LDB2: variants seen among roughly 807,000 people sequenced by gnomAD.
LDB2 encodes the protein LIM domain-binding protein 2.
A neutral mutation model predicts 44.3 loss-of-function variants in LDB2; 12 were observed. The observed-to-expected ratio is 0.27, with a 90% confidence interval of 0.17 to 0.44. The LOEUF is 0.44. Among genes scored for constraint, LDB2 ranks in the 20% least tolerant of loss-of-function variants. The probability of loss-of-function intolerance (pLI) is 1.00; values close to 1 mark genes in which losing one functional copy is unlikely to be tolerated. For synonymous variants in LDB2, 164 were observed against 174.8 expected (o/e 0.94, Z 0.49); for missense variants, 344 against 473.5 (o/e 0.73, Z 2.54).
chr4:16,516,743 T>C (rs934503579), intron 5 of LDB2, among the ~76,000 whole-genome samples: 8 of 152,200 alleles, frequency 5.3e-5, no homozygotes, highest in African/African-American at 1.7e-4. Flanking sequence ...AACATTTCTT[T>C]TTCAGGTGCT....
chr4:16,851,162 T>G (rs978268404), intron 1 of LDB2, among the ~76,000 whole-genome samples: 2 of 151,968 alleles, frequency 1.3e-5, no homozygotes, highest in African/African-American at 4.8e-5. Context: ...CCAATTTCTA[T>G]GGTGTAAATA....
intron 1 of LDB2, among the ~76,000 whole-genome samples, chr4:16,893,636 A>G (rs1424518692): frequency 3.9e-5 from 6 of 152,152 alleles, no homozygotes; most frequent in Non-Finnish European, 7.4e-5. Context: ...TGAAACTAAA[A>G]ACTGTAATTC....
intron 2 of LDB2, among the ~76,000 whole-genome samples, chr4:16,713,600 C>T (rs1202704369): frequency 1.3e-5 from 2 of 152,078 alleles, no homozygotes; most frequent in Admixed American, 1.3e-4. Context: ...ATTTTAAAAG[C>T]TTTATTAGGT....
chr4:16,643,884 T>C (rs1460982188), intron 2 of LDB2, among the ~76,000 whole-genome samples: 5 of 152,238 alleles, frequency 3.3e-5, no homozygotes, highest in Non-Finnish European at 7.3e-5. Flanking sequence ...TTGAGATGCA[T>C]TCTGAGAAAT....
chr4:16,740,980 A>T (rs1763129290), intron 2 of LDB2, among the ~76,000 whole-genome samples: 1 of 152,248 alleles, frequency 6.6e-6, no homozygotes, highest in Non-Finnish European at 1.5e-5. Context: ...CAACTTGTGG[A>T]CATAAATCTA....
Position 16,863,714 on chromosome 4 carries a change from G to T in LDB2, c.132+34640C>A, listed in dbSNP as rs182898416. 3.1e-3 allele frequency among the ~76,000 whole-genome samples: 436 copies of T among 139,076 alleles called. 2 individuals are homozygous for T. Among genetic ancestry groups the T allele is most frequent in the African/African-American group, 0.011 (418 of 37,026 alleles). The allele number at this position is 139,076 out of a possible 152,430, so 91.2% of individuals were successfully genotyped here. A position where few individuals can be genotyped will look rare whatever the true frequency, so the allele number is the denominator to read the frequency against. On this transcript the variant is annotated intron_variant, in intron 1 of 7. Coordinates refer to ENST00000304523, the MANE Select transcript of LDB2 (RefSeq NM_001290.5). ...CTCACTCTGTTACCCAGGCTAGAGC[G>T]CAGTGGCGCGATCTCGGCTCACTGC...
intron 2 of LDB2, among the ~76,000 whole-genome samples, chr4:16,661,227 C>A (rs1311332774): frequency 1.3e-5 from 2 of 152,122 alleles, no homozygotes; most frequent in African/African-American, 4.8e-5. Context: ...ACAGTGAAAT[C>A]AAGGAATGAA....
intron 7 of LDB2, chr4:16,507,371 CAA>C (rs1719909157): frequency 6.6e-6 from 1 of 151,936 alleles, no homozygotes; most frequent in South Asian, 2.1e-4. Flanking sequence ...TGGTTTTGGC[CAA>C]AGAGAACTGA....
At chr4:16,567,694 C>T (rs969455254) in intron 5 of LDB2, among the ~76,000 whole-genome samples, 21 of 152,092 alleles carry the variant, frequency 1.4e-4, no homozygotes, top group Admixed American at 1.4e-3. Context: ...GGCGTGAACC[C>T]GGGAGGCGAA....
At chr4:16,867,108 G>C (rs1462851558) in intron 1 of LDB2, among the ~76,000 whole-genome samples, 2 of 152,160 alleles carry the variant, frequency 1.3e-5, no homozygotes, top group Non-Finnish European at 2.9e-5. Flanking sequence ...CCTCCATGCT[G>C]TGGGGAAGTC....
At chr4:16,853,121 C>T (rs941470549) in intron 1 of LDB2, among the ~76,000 whole-genome samples, 4 of 152,050 alleles carry the variant, frequency 2.6e-5, no homozygotes, top group Non-Finnish European at 5.9e-5. Flanking sequence ...TATTATGCTA[C>T]AAGAATTAAG....
chr4:16,892,427 C>G (rs980967161), intron 1 of LDB2, among the ~76,000 whole-genome samples: 1 of 152,030 alleles, frequency 6.6e-6, no homozygotes, highest in East Asian at 1.9e-4. Context: ...AATCTAGGCT[C>G]ATATTGATTT....
At chr4:16,742,044 T>TTTTC (rs1307946881) in intron 2 of LDB2, among the ~76,000 whole-genome samples, 1 of 151,756 alleles carries the variant, frequency 6.6e-6, no homozygotes. Flanking sequence ...TTTTTTTCTT[T>TTTTC]TTTCTTTCTT....
At chr4:16,888,077 C>A (rs888183418) in intron 1 of LDB2, among the ~76,000 whole-genome samples, 5 of 152,184 alleles carry the variant, frequency 3.3e-5, no homozygotes, top group Admixed American at 6.5e-5. Context: ...GTTATCAGTC[C>A]AGACACGCAG....
At chr4:16,535,919 G>A (rs2088840) in intron 5 of LDB2, among the ~76,000 whole-genome samples, 1,714 of 152,258 alleles carry the variant, frequency 0.011, 26 homozygotes, top group African/African-American at 0.04. Flanking sequence ...AATAAAAAAC[G>A]TGCATTTCTA....
chr4:16,573,623 C>G (rs1577881218), intron 5 of LDB2, among the ~76,000 whole-genome samples: 1 of 152,172 alleles, frequency 6.6e-6, no homozygotes, highest in African/African-American at 2.4e-5. Context: ...ATGCTTAAGT[C>G]TTTTGAGGAT....
chr4:16,893,845 A>G (rs1288429445), intron 1 of LDB2, among the ~76,000 whole-genome samples: 2 of 152,158 alleles, frequency 1.3e-5, no homozygotes, highest in African/African-American at 4.8e-5. Context: ...ACTTAAAAAT[A>G]TCTTCACTTA....
At chr4:16,684,069 C>A (rs543449894) in intron 2 of LDB2, among the ~76,000 whole-genome samples, 2 of 152,316 alleles carry the variant, frequency 1.3e-5, no homozygotes, top group Admixed American at 6.5e-5. Flanking sequence ...AGCCAGCTGG[C>A]AGCAACTACT....
intron 2 of LDB2, among the ~76,000 whole-genome samples, chr4:16,603,948 A>G (rs1175995105): frequency 2.0e-5 from 3 of 152,282 alleles, no homozygotes; most frequent in Non-Finnish European, 4.4e-5. Flanking sequence ...AGCTCACTGT[A>G]ACCTCAAACT....
Sources: gnomAD v4.1 joint callset for allele counts (sites outside exome capture counted in the v4.1 genomes callset) on GRCh38, gnomAD v4.1.1 for gene constraint, MANE v1.5 for transcripts, NCBI Gene and HGNC (gene_info 2026-07-23, HGNC 2026-07-21) for gene names.